PRKN: variants seen among roughly 807,000 people sequenced by gnomAD.
PRKN encodes the protein parkin RBR E3 ubiquitin protein ligase.
A neutral mutation model predicts 59.5 loss-of-function variants in PRKN; 56 were observed. The ratio of observed to expected loss-of-function variants is 0.94; its 90% CI spans 0.76 to 1.18. The LOEUF (loss-of-function observed/expected upper bound fraction) is 1.18, where lower values mean the gene tolerates loss of function less well. PRKN is among the 50% of genes most tolerant of loss of function. The probability of loss-of-function intolerance (pLI) is 0.00; values close to 1 mark genes in which losing one functional copy is unlikely to be tolerated. For missense variants in PRKN, 657 were observed against 596.4 expected (o/e 1.10, Z -1.06); for synonymous variants, 250 against 222.1 (o/e 1.13, Z -1.12).
At chr6:161,757,833 A>ATCTCTCTCCCTC (rs1554301288) in intron 7 of PRKN, among the ~76,000 whole-genome samples, 6 of 37,620 alleles carry the variant, frequency 1.6e-4, no homozygotes, top group Non-Finnish European at 2.5e-4. Context: ...GCAAAACTCC[A>ATCTCTCTCCCTC]TCTCTCTCTC....
intron 9 of PRKN, among the ~76,000 whole-genome samples, chr6:161,542,610 T>A (rs1221838709): frequency 6.6e-6 from 1 of 152,248 alleles, no homozygotes; most frequent in Non-Finnish European, 1.5e-5. Flanking sequence ...TGGACACATG[T>A]CAAATAAACA....
At chr6:162,021,119 C>CAT (rs869269519) in intron 5 of PRKN, among the ~76,000 whole-genome samples, 1,067 of 45,916 alleles carry the variant, frequency 0.023, 14 homozygotes, top group Non-Finnish European at 0.04. Context: ...AAAACAAAAA[C>CAT]ATATATATAT....
chr6:162,454,637 C>T (rs561822278), intron 1 of PRKN, among the ~76,000 whole-genome samples: 7 of 152,320 alleles, frequency 4.6e-5, no homozygotes, highest in East Asian at 3.9e-4. Context: ...GTATATGGGA[C>T]GTGCCAATGG....
chr6:162,481,243 T>A (rs1792297241), intron 1 of PRKN, among the ~76,000 whole-genome samples: 1 of 152,186 alleles, frequency 6.6e-6, no homozygotes, highest in African/African-American at 2.4e-5. Flanking sequence ...CAGCTTCAGA[T>A]TTATAATAGC....
At chr6:162,432,372 A>T (rs180853481) in intron 2 of PRKN, among the ~76,000 whole-genome samples, 1 of 152,188 alleles carries the variant, frequency 6.6e-6, no homozygotes, top group African/African-American at 2.4e-5. Context: ...TTAAAAATAC[A>T]AAAATTAGCT....
intron 9 of PRKN, among the ~76,000 whole-genome samples, chr6:161,394,416 A>G (rs1236137387): frequency 6.6e-6 from 1 of 152,178 alleles, no homozygotes; most frequent in African/African-American, 2.4e-5. Context: ...AACAATGCCA[A>G]TTAGTTTCCC....
intron 7 of PRKN, among the ~76,000 whole-genome samples, chr6:161,660,261 T>C (rs1176799110): frequency 6.6e-6 from 1 of 152,180 alleles, no homozygotes; most frequent in South Asian, 2.1e-4. Flanking sequence ...CACAGAATTA[T>C]AGCAGTGCTC....
chr6:161,694,062 A>G (rs1348728595), intron 7 of PRKN, among the ~76,000 whole-genome samples: 1 of 152,174 alleles, frequency 6.6e-6, no homozygotes, highest in African/African-American at 2.4e-5. Context: ...TCTCTAAAAC[A>G]CAGCACTTAG....
At chr6:162,234,182 A>G (rs1209078687) in intron 3 of PRKN, among the ~76,000 whole-genome samples, 1 of 152,132 alleles carries the variant, frequency 6.6e-6, no homozygotes, top group Non-Finnish European at 1.5e-5. Flanking sequence ...GTACACGACA[A>G]TTTGCAACTA....
intron 4 of PRKN, among the ~76,000 whole-genome samples, chr6:162,116,681 T>G (rs918120033): frequency 6.6e-6 from 1 of 152,174 alleles, no homozygotes; most frequent in Non-Finnish European, 1.5e-5. Context: ...TAGCTCTATG[T>G]AAGGTGCTCA....
intron 7 of PRKN, among the ~76,000 whole-genome samples, chr6:161,609,273 G>C (rs893120891): frequency 9.2e-5 from 14 of 152,174 alleles, no homozygotes; most frequent in African/African-American, 3.4e-4. Flanking sequence ...TAATGAAAAA[G>C]TGTCTCATAT....
chr6:161,435,311 A>T (rs923153074), intron 9 of PRKN, among the ~76,000 whole-genome samples: 1 of 152,116 alleles, frequency 6.6e-6, no homozygotes, highest in Non-Finnish European at 1.5e-5. Flanking sequence ...CTCCCTGCAT[A>T]GTTGTACTCT....
chr6:162,158,104 A>T (rs1400536480), intron 4 of PRKN, among the ~76,000 whole-genome samples: 1 of 152,080 alleles, frequency 6.6e-6, no homozygotes, highest in Non-Finnish European at 1.5e-5. Flanking sequence ...CATATTTTCT[A>T]TGTAACTGAT....
intron 5 of PRKN, among the ~76,000 whole-genome samples, chr6:162,010,262 TTTATATATATTATGTATGATAA>T (rs1782446859): frequency 7.6e-6 from 1 of 131,544 alleles, no homozygotes; most frequent in African/African-American, 2.9e-5. Context: ...TAATATATAT[TTTATATATATTATGTATGATAA>T]ATATATTTTA....
rs1223122118 is a variant in PRKN at position 161,526,570 on chromosome 6, TATATAA to T, written c.1083+22278_1083+22283del. 5.4e-5 allele frequency among the ~76,000 whole-genome samples: 8 copies of T among 149,002 alleles called. No individual in the cohort carries two copies. Among genetic ancestry groups the T allele is most frequent in the African/African-American group, 2.0e-4 (8 of 40,964 alleles). ...AATAAAATAGAAATATTAAAATATA[TATATAA>T]ATATAAGTAATATAAATAAATATAA... On this transcript the variant is annotated intron_variant, in intron 9 of 11. Transcript: ENST00000366898. The surrounding 1 kb of genome is among the most constrained non-coding windows in gnomAD (Gnocchi z 4.1).
In PRKN at chr6:162,214,790, C is replaced by T. The variant is rs1777566760; in HGVS notation, c.413-13538G>A. On this transcript the variant is annotated intron_variant, in intron 3 of 11. Transcript: ENST00000366898. ...AATTGGTCATGGTATCTTATGATGTCCCTCATTCATTAAAAGATTAAATAA... is the reference window on the plus strand; with the variant it reads ...AATTGGTCATGGTATCTTATGATGTTCCTCATTCATTAAAAGATTAAATAA... Among the ~76,000 whole-genome samples, 3 of 152,074 alleles carry T rather than the reference C, an allele frequency of 2.0e-5. No individual in the cohort carries two copies. In the South Asian group the frequency reaches 6.2e-4, roughly 32 times the overall value.
At position 161,349,577 on chromosome 6, in the gene PRKN, T is replaced by TAA. The variant is rs1345713267; in HGVS notation, c.*520_*521dup. The TAA allele has an allele frequency of 2.5e-5, 6 of 241,102 alleles. No homozygotes were observed. Among genetic ancestry groups the TAA allele is most frequent in the Non-Finnish European group, 4.9e-5 (6 of 122,538 alleles). The allele number at this position is 241,102 out of a possible 1,614,324, so 14.9% of individuals were successfully genotyped here. On this transcript the variant is annotated 3_prime_UTR_variant, in exon 12 of 12. Coordinates refer to ENST00000366898, the MANE Select transcript of PRKN (RefSeq NM_004562.3). The surrounding 1 kb of genome is among the most constrained non-coding windows in gnomAD (Gnocchi z 5.5). ...AAAATTTAAATAAGAACATTACTGT[T>TAA]AAAGCCATGAATCTAGTTTGGAGAA...
chr6:162,220,654 G>A (rs1777884523), intron 3 of PRKN, among the ~76,000 whole-genome samples: 2 of 151,684 alleles, frequency 1.3e-5, no homozygotes, highest in African/African-American at 2.4e-5. Context: ...ATCAATCAAC[G>A]AAAAAAAAGT....
At chr6:162,649,885 T>C (rs1304860678) in intron 1 of PRKN, among the ~76,000 whole-genome samples, 1 of 152,140 alleles carries the variant, frequency 6.6e-6, no homozygotes. Flanking sequence ...TCTCTACTAC[T>C]TTATTTTTTT....
Sources: allele counts gnomAD v4.1 joint callset (sites outside exome capture counted in the v4.1 genomes callset), GRCh38; gene constraint gnomAD v4.1.1; non-coding constraint Gnocchi (gnomAD v3.1); transcripts MANE v1.5; gene names NCBI Gene and HGNC (gene_info 2026-07-23, HGNC 2026-07-21).